TSPOAP1: variants seen among roughly 807,000 people sequenced by gnomAD.
The protein encoded by TSPOAP1 is TSPO associated protein 1.
Under a neutral mutation model 197.0 loss-of-function variants are expected in TSPOAP1, and 87 were observed. That is an observed-to-expected ratio of 0.44 (90% CI 0.37 to 0.53). TSPOAP1 has a LOEUF of 0.53. Among genes scored for constraint, TSPOAP1 ranks in the 20% least tolerant of loss-of-function variants. The probability of loss-of-function intolerance (pLI) is 0.00; values close to 1 mark genes in which losing one functional copy is unlikely to be tolerated. For missense variants in TSPOAP1, 2,174 were observed against 2,411.3 expected (o/e 0.90, Z 2.06); for synonymous variants, 913 against 998.9 (o/e 0.91, Z 1.62).
At position 58,312,740 on chromosome 17, in the gene TSPOAP1, G is replaced by T; in HGVS notation, c.2099-18C>A. On this transcript the variant is annotated intron_variant, in intron 16 of 31. Transcript: ENST00000343736. ...GAGCTCTCCTGGCAGGAGGAGGACA[G>T]GAAGGGGCAGGGCAGGGGAAGACAG... 1.2e-6 allele frequency: 2 copies of T among 1,605,938 alleles called. No individual in the cohort carries two copies. The highest frequency in any genetic ancestry group is 1.7e-6 in the Non-Finnish European group (2 of 1,175,852).
Position 58,321,879 on chromosome 17 carries a change from C to G in TSPOAP1, c.1422+429G>C, listed in dbSNP as rs561901142. 2.0e-5 allele frequency among the ~76,000 whole-genome samples: 3 copies of G among 152,342 alleles called. No homozygotes were observed. In the East Asian group the frequency reaches 5.8e-4, roughly 29 times the overall value. On this transcript the variant is annotated intron_variant, in intron 10 of 31. Transcript: ENST00000343736. Reference sequence around the variant, plus strand: ...AACTCTTCCCATGGCCGTTAAGGCCCGACAGGATCGGGTTCTTGTCTACTC... The same window carrying G: ...AACTCTTCCCATGGCCGTTAAGGCCGGACAGGATCGGGTTCTTGTCTACTC...
In TSPOAP1 at chr17:58,322,798, G is replaced by T. The variant is rs377764366; in HGVS notation, c.1195-22C>A. ...CCACCTGGCGAGGGGGCAGTGACAG[G>T]GAGTTGGGTGGGTGAGCCTTGACCC... is the stretch of plus-strand genomic sequence containing the variant. On this transcript the variant is annotated intron_variant, in intron 8 of 31. Coordinates refer to ENST00000343736, the MANE Select transcript of TSPOAP1 (RefSeq NM_004758.4). This position sits in a 1 kb window ranked among gnomAD's most constrained non-coding sequence, Gnocchi z 5.0. 29 of 1,611,946 alleles carry T rather than the reference G, an allele frequency of 1.8e-5. No homozygotes were observed. The highest frequency in any genetic ancestry group is 2.5e-5 in the Non-Finnish European group (29 of 1,179,632).
chr17:58,310,869 C>A lies in TSPOAP1; in HGVS notation c.3426G>T (p.Gly1142=), dbSNP rs762904241. ...PASPSREMAK[G]SHEDPPAPCS... The stretch of plus-strand genomic sequence containing the variant: ...AAGGTGCTGGAGGGTCCTCGTGGGA[C>A]CCTTTTGCCATCTCTCTGGAAGGGC... Residue 1142 remains glycine (G), a synonymous_variant, in exon 19 of 32, where the codon GGG becomes GGT. Coordinates refer to ENST00000343736, the MANE Select transcript of TSPOAP1 (RefSeq NM_004758.4). 2.0e-6 allele frequency: 3 copies of A among 1,538,192 alleles called. No homozygotes were observed. The highest frequency in any genetic ancestry group is 2.6e-6 in the Non-Finnish European group (3 of 1,145,874).
chr17:58,306,658 C>A (rs1480893011), intron 25 of TSPOAP1, 142 bp downstream of exon 25: 1 of 1,119,240 alleles, frequency 8.9e-7, no homozygotes, highest in Non-Finnish European at 1.3e-6. Context: ...CTGACCACTA[C>A]GCAGCAGGGT....
intron 14 of TSPOAP1, among the ~76,000 whole-genome samples, chr17:58,317,404 C>T (rs981422879): frequency 6.6e-6 from 1 of 152,156 alleles, no homozygotes; most frequent in African/African-American, 2.4e-5. Flanking sequence ...CCCAGGGCAC[C>T]GCAACCTCAG....
chr17:58,304,484 G>C lies in TSPOAP1; in HGVS notation c.5545-85C>G. ...CGGCCACCAGGTGGCCCTGCGCAGG[G>C]GTGGGCCCTACTCTCCAAGGCCTTT... On this transcript the variant is annotated intron_variant, in intron 30 of 31. Coordinates refer to ENST00000343736, the MANE Select transcript of TSPOAP1 (RefSeq NM_004758.4). The surrounding 1 kb of genome is among the most constrained non-coding windows in gnomAD (Gnocchi z 4.2). The C allele has an allele frequency of 9.0e-7, 1 of 1,117,086 alleles. No homozygotes were observed. Among genetic ancestry groups the C allele is most frequent in the South Asian group, 1.2e-5 (1 of 80,632 alleles). 69.2% of individuals were successfully genotyped at this position (1,117,086 alleles called of 1,614,324 possible). A position where few individuals can be genotyped will look rare whatever the true frequency, so the allele number is the denominator to read the frequency against.
chr17:58,319,441 C>A, intron 12 of TSPOAP1, 147 bp from the exon 13 acceptor site: 1 of 837,764 alleles, frequency 1.2e-6, no homozygotes, highest in Non-Finnish European at 1.8e-6. Flanking sequence ...CTTGGCCACC[C>A]CACTGTCCTT....
At chr17:58,327,538 TG>T in intron 1 of TSPOAP1, 49 bp downstream of exon 1, 1 of 1,561,206 alleles carries the variant, frequency 6.4e-7, no homozygotes, top group Non-Finnish European at 8.7e-7. Flanking sequence ...CTGGAGGACA[TG>T]GTGAGAGACC....
chr17:58,326,354 G>A lies in TSPOAP1; in HGVS notation c.509C>T (p.Ala170Val), dbSNP rs775842574. The A allele has an allele frequency of 6.2e-6, 10 of 1,613,880 alleles. No individual in the cohort carries two copies. The highest frequency in any genetic ancestry group is 3.3e-5 in the Admixed American group (2 of 59,996). Residue 170 changes from alanine (A) to valine (V), a missense_variant, in exon 3 of 32, where the codon GCG becomes GTG. By Grantham distance (64) the Ala-to-Val change is moderately conservative (BLOSUM62 0). Coordinates refer to ENST00000343736, the MANE Select transcript of TSPOAP1 (RefSeq NM_004758.4). This position sits in a 1 kb window ranked among gnomAD's most constrained non-coding sequence, Gnocchi z 4.7. Reference protein sequence around the residue: ...RRLKRKNAELAVIAKRLEERA... With the variant: ...RRLKRKNAELVVIAKRLEERA... ...CTCCTCCAGGCGCTTGGCAATGACC[G>A]CCAGCTCGGCGTTCTTCCTCTTCAG...
chr17:58,305,863 C>T lies in TSPOAP1; in HGVS notation c.5227G>A (p.Glu1743Lys). 6.2e-7 allele frequency: 1 copy of T among 1,612,620 alleles called. No individual in the cohort carries two copies. The highest frequency in any genetic ancestry group is 8.5e-7 in the Non-Finnish European group (1 of 1,179,744). The change falls in exon 27 of 32, where the codon GAG (glutamate) becomes AAG (lysine). Residue 1743 changes from glutamate (E) to lysine (K), a missense_variant and splice_region_variant. By Grantham distance (56) the Glu-to-Lys change is moderately conservative. This residue lies in a region of TSPOAP1 where 161 missense variants were observed against 159.1 expected (regional missense o/e 1.01). Transcript: ENST00000343736. ...PPKPRRSKKA[E>K]SEGPAQPCPG... is the part of the protein sequence containing the mutation. ...CAGGGCTGGGCAGGGCCTTCCGACTCAGCTGTGGAAAGAATGTGCCTGTGA... is the reference window on the plus strand; with the variant it reads ...CAGGGCTGGGCAGGGCCTTCCGACTTAGCTGTGGAAAGAATGTGCCTGTGA...
intron 16 of TSPOAP1, among the ~76,000 whole-genome samples, chr17:58,313,396 T>C (rs922762989): frequency 3.9e-5 from 6 of 152,112 alleles, no homozygotes; most frequent in Admixed American, 6.5e-5. Flanking sequence ...GCAGATCGCT[T>C]GAGCCCAGGA....
Position 58,324,678 on chromosome 17 carries a change from C to G in TSPOAP1, c.942+133G>C. 1 of 772,258 alleles carries G rather than the reference C, an allele frequency of 1.3e-6. No individual in the cohort carries two copies. The highest frequency in any genetic ancestry group is 1.9e-6 in the Non-Finnish European group (1 of 539,886). 47.8% of individuals were successfully genotyped at this position (772,258 alleles called of 1,614,324 possible). On this transcript the variant is annotated intron_variant, in intron 5 of 31. Coordinates refer to ENST00000343736, the MANE Select transcript of TSPOAP1 (RefSeq NM_004758.4). This position sits in a 1 kb window ranked among gnomAD's most constrained non-coding sequence, Gnocchi z 5.8. Reference sequence around the variant, plus strand: ...GGACCCTGCCCAGGACGGGAAAGCTCCCCAGCCCCTGGGAGTGCGCACACC... The same window carrying G: ...GGACCCTGCCCAGGACGGGAAAGCTGCCCAGCCCCTGGGAGTGCGCACACC...
intron 31 of TSPOAP1, chr17:58,302,941 C>T (rs1310874034): frequency 6.5e-6 from 1 of 152,734 alleles, no homozygotes; most frequent in African/African-American, 2.4e-5. Context: ...ATGTGGCCCC[C>T]CCAGGCCTTC....
rs746732636 is a variant in TSPOAP1 at position 58,312,475 on chromosome 17, C to T, written c.2346G>A (p.Pro782=). The T allele has an allele frequency of 8.1e-6, 13 of 1,609,428 alleles. No individual in the cohort carries two copies. In the South Asian group the frequency reaches 1.1e-4, roughly 14 times the overall value. Residue 782 remains proline (P), a synonymous_variant, in exon 17 of 32, where the codon CCG becomes CCA. Coordinates refer to ENST00000343736, the MANE Select transcript of TSPOAP1 (RefSeq NM_004758.4). Reference sequence around the variant, plus strand: ...CGGCAGGAGGCTCGCCCAGGCCCTCCGGTGATGGGCTCAGACTGAGCTCGT... The same window carrying T: ...CGGCAGGAGGCTCGCCCAGGCCCTCTGGTGATGGGCTCAGACTGAGCTCGT... ...AGDELSLSPS[P]EGLGEPPAVP... is the part of the protein sequence containing the mutation.
At chr17:58,315,016 C>A (rs1175982577) in intron 16 of TSPOAP1, among the ~76,000 whole-genome samples, 1 of 152,168 alleles carries the variant, frequency 6.6e-6, no homozygotes, top group East Asian at 1.9e-4. Context: ...ATACTTATGC[C>A]TTTGCTGCCC....
Position 58,305,448 on chromosome 17 carries a change from G to T in TSPOAP1, c.5372C>A (p.Pro1791His). 1.9e-6 allele frequency: 3 copies of T among 1,613,954 alleles called. No individual in the cohort carries two copies. Among genetic ancestry groups the T allele is most frequent in the Non-Finnish European group, 2.5e-6 (3 of 1,179,944 alleles). The change falls in exon 29 of 32, where the codon CCC becomes CAC. Residue 1791 changes from proline to histidine, a missense_variant. Pro to His is a moderately conservative substitution (Grantham distance 77). This residue lies in a region of TSPOAP1 where 161 missense variants were observed against 159.1 expected (regional missense o/e 1.01). Coordinates refer to ENST00000343736, the MANE Select transcript of TSPOAP1 (RefSeq NM_004758.4). ...AGTAATGACATCCCCTGCCCGGAAG[G>T]GCAGCTCTGCCTGTGGAAAACAAGA... Reference protein sequence around the residue: ...SPNMDVEAELPFRAGDVITVF... With the variant: ...SPNMDVEAELHFRAGDVITVF...
chr17:58,308,549 G>A lies in TSPOAP1; in HGVS notation c.4723C>T (p.Leu1575Phe), dbSNP rs373558152. 2.0e-6 allele frequency: 3 copies of A among 1,528,514 alleles called. No individual in the cohort carries two copies. The highest frequency in any genetic ancestry group is 1.4e-5 in the African/African-American group (1 of 72,420). The allele number at this position is 1,528,514 out of a possible 1,614,324, so 94.7% of individuals were successfully genotyped here. A position where few individuals can be genotyped will look rare whatever the true frequency, so the allele number is the denominator to read the frequency against. ...GGGGAGTGAGCACGGACCCGGGAGA[G>A]TGGCTCCTTGGCTCTGCCCGTCGCA... Reference protein sequence around the residue: ...RSATGRAKEPLSRATETGEAR... With the variant: ...RSATGRAKEPFSRATETGEAR... Residue 1575 changes from leucine (L) to phenylalanine (F), a missense_variant, in exon 22 of 32, where the codon CTC (leucine) becomes TTC (phenylalanine). Around this residue, in one of 5 missense-constraint regions of TSPOAP1, gnomAD observed 1,933 missense variants for 2,139.0 expected, o/e 0.90. Coordinates refer to ENST00000343736, the MANE Select transcript of TSPOAP1 (RefSeq NM_004758.4).
intron 11 of TSPOAP1, 87 bp from the exon 12 acceptor site, chr17:58,320,216 T>C (rs1971364795): frequency 7.4e-6 from 11 of 1,486,918 alleles, no homozygotes; most frequent in Non-Finnish European, 1.0e-5. Flanking sequence ...GAAGGGGGCC[T>C]AAGTGGATAT....
chr17:58,319,641 C>T (rs1014669767), intron 12 of TSPOAP1, among the ~76,000 whole-genome samples: 1 of 152,240 alleles, frequency 6.6e-6, no homozygotes, highest in Non-Finnish European at 1.5e-5. Context: ...CCACCATCAC[C>T]GCAGGAGTTT....
Sources: gnomAD v4.1 joint callset for allele counts (sites outside exome capture counted in the v4.1 genomes callset) on GRCh38, gnomAD v4.1.1 for gene constraint, gnomAD v4.1.1 regional missense constraint, Gnocchi (gnomAD v3.1) non-coding constraint, MANE v1.5 for transcripts, NCBI Gene and HGNC (gene_info 2026-07-23, HGNC 2026-07-21) for gene names.